RELN: variants seen among roughly 807,000 people sequenced by gnomAD.
RELN encodes reelin.
In RELN, 108 loss-of-function variants were observed where a neutral mutation model predicts 427.6. That is an observed-to-expected ratio of 0.25 (90% CI 0.22 to 0.30). The LOEUF (loss-of-function observed/expected upper bound fraction) is 0.30. Among genes scored for constraint, RELN ranks in the 10% least tolerant of loss-of-function variants. The pLI, the probability that RELN is intolerant of heterozygous loss-of-function variation, is 1.00. For missense variants in RELN, 3,715 were observed against 4,302.8 expected, an observed-to-expected ratio of 0.86 and a Z score of 3.82; for synonymous variants, 1,524 against 1,513.4, an observed-to-expected ratio of 1.01 and a Z score of -0.16.
chr7:103,500,859 G>A lies in RELN; in HGVS notation c.8553C>T (p.Tyr2851=). ...SDMQWAIDNF[Y]LGPGCLDNCR... Reference sequence around the variant, plus strand: ...AGTTGTCCAAGCATCCAGGGCCCAGGTAGAAATTATCGATTGCCCACTGCA... The same window carrying A: ...AGTTGTCCAAGCATCCAGGGCCCAGATAGAAATTATCGATTGCCCACTGCA... Residue 2851 remains tyrosine (Y), a synonymous_variant, in exon 53 of 65, where the codon TAC becomes TAT. Coordinates refer to ENST00000428762, the MANE Select transcript of RELN (RefSeq NM_005045.4). The A allele has an allele frequency of 6.2e-7, 1 of 1,614,084 alleles. No individual in the cohort carries two copies. The highest frequency in any genetic ancestry group is 1.1e-5 in the South Asian group (1 of 91,082).
intron 34 of RELN, 119 bp from the exon 35 acceptor site, chr7:103,562,072 C>T (rs1319591925): frequency 1.6e-6 from 2 of 1,216,362 alleles, no homozygotes; most frequent in Admixed American, 4.3e-5. Context: ...GGGTCCAGTT[C>T]TCTCTTTCTT....
intron 19 of RELN, among the ~76,000 whole-genome samples, chr7:103,634,318 C>T (rs1832532418): frequency 6.6e-6 from 1 of 152,144 alleles, no homozygotes; most frequent in Non-Finnish European, 1.5e-5. Flanking sequence ...ATGTAAGCCA[C>T]AGTATCAACT....
At chr7:103,787,907 C>G (rs1378557218) in intron 3 of RELN, among the ~76,000 whole-genome samples, 4 of 152,094 alleles carry the variant, frequency 2.6e-5, no homozygotes, top group Non-Finnish European at 5.9e-5. Flanking sequence ...GCCAATATCC[C>G]TGATGAACAT....
chr7:103,567,710 A>G (rs1037496764), intron 31 of RELN, among the ~76,000 whole-genome samples: 1 of 151,840 alleles, frequency 6.6e-6, no homozygotes, highest in Non-Finnish European at 1.5e-5. Flanking sequence ...AATTACGACT[A>G]GGGATACTGA....
chr7:103,496,417 G>T (rs752699746), intron 56 of RELN, 109 bp downstream of exon 56: 1 of 1,424,930 alleles, frequency 7.0e-7, no homozygotes, highest in Non-Finnish European at 9.9e-7. Flanking sequence ...TTGAGCAGGA[G>T]TATGGGCTAG....
At position 103,968,512 on chromosome 7, in the gene RELN, G is replaced by A. The variant is rs937027194; in HGVS notation, c.226+20619C>T. On this transcript the variant is annotated intron_variant, in intron 1 of 64. Coordinates refer to ENST00000428762, the MANE Select transcript of RELN (RefSeq NM_005045.4). The surrounding 1 kb of genome is among the most constrained non-coding windows in gnomAD (Gnocchi z 4.3). ...CAGAAAAAAAAATAAAAGTATGAAA[G>A]AAATTGTAAAAGGTAAGCAAATGTA... Among the ~76,000 whole-genome samples the A allele has an allele frequency of 3.9e-5, 6 of 152,054 alleles. No homozygotes were observed. Among genetic ancestry groups the A allele is most frequent in the African/African-American group, 1.4e-4 (6 of 41,418 alleles).
chr7:103,838,735 G>A (rs942936714), intron 2 of RELN, among the ~76,000 whole-genome samples: 33 of 152,160 alleles, frequency 2.2e-4, no homozygotes, highest in African/African-American at 7.0e-4. Context: ...AGGTTTCAGC[G>A]TTATAGAGCC....
intron 51 of RELN, among the ~76,000 whole-genome samples, chr7:103,505,553 C>A (rs1310534335): frequency 1.3e-5 from 2 of 152,122 alleles, no homozygotes; most frequent in African/African-American, 4.8e-5. Flanking sequence ...CACTCATAGA[C>A]CCCATCCTAA....
intron 1 of RELN, among the ~76,000 whole-genome samples, chr7:103,921,043 ATGAT>A (rs917792936): frequency 5.9e-5 from 9 of 152,232 alleles, no homozygotes; most frequent in East Asian, 1.9e-4. Flanking sequence ...AGCAAGGTGT[ATGAT>A]TGATTGAGAC....
In RELN at chr7:103,640,458, A is replaced by G; in HGVS notation, c.2069+85T>C. 7.3e-7 allele frequency: 1 copy of G among 1,364,902 alleles called. No homozygotes were observed. 84.5% of individuals were successfully genotyped at this position (1,364,902 alleles called of 1,614,324 possible). ...GTCTTAAAAAGATCCCCGATCCTAA[A>G]AAAGGTTATTAAATGACTTGCGACT... is the stretch of plus-strand genomic sequence containing the variant. On this transcript the variant is annotated intron_variant, in intron 17 of 64. Coordinates refer to ENST00000428762, the MANE Select transcript of RELN (RefSeq NM_005045.4). This position sits in a 1 kb window ranked among gnomAD's most constrained non-coding sequence, Gnocchi z 4.1.
intron 6 of RELN, among the ~76,000 whole-genome samples, chr7:103,738,798 T>C (rs1790562617): frequency 6.9e-6 from 1 of 145,252 alleles, no homozygotes; most frequent in African/African-American, 2.5e-5. Flanking sequence ...TTCTCCTCCC[T>C]CAGCCTCCCG....
intron 47 of RELN, among the ~76,000 whole-genome samples, chr7:103,522,431 G>A (rs1477952537): frequency 6.6e-6 from 1 of 152,166 alleles, no homozygotes; most frequent in African/African-American, 2.4e-5. Flanking sequence ...GGTTATAGGT[G>A]GAGAGAAAGA....
intron 6 of RELN, among the ~76,000 whole-genome samples, chr7:103,747,027 A>G (rs1790855154): frequency 6.6e-6 from 1 of 152,220 alleles, no homozygotes; most frequent in African/African-American, 2.4e-5. Flanking sequence ...ATGTCCAACA[A>G]TGATAGATGG....
chr7:103,593,953 TCATGACATGCTGGGC>T, intron 26 of RELN, 71 bp from the exon 27 acceptor site: 1 of 1,185,524 alleles, frequency 8.4e-7, no homozygotes, highest in Non-Finnish European at 1.2e-6. Context: ...AATTTTCATT[TCATGACATGCTGGGC>T]CATGTACCAT....
At chr7:103,761,436 T>C (rs1791295715) in intron 4 of RELN, among the ~76,000 whole-genome samples, 1 of 152,146 alleles carries the variant, frequency 6.6e-6, no homozygotes, top group African/African-American at 2.4e-5. Context: ...ATTTGAATTG[T>C]TGGTACATTT....
intron 1 of RELN, among the ~76,000 whole-genome samples, chr7:103,969,952 TCA>T (rs1796729380): frequency 6.6e-6 from 1 of 152,148 alleles, no homozygotes; most frequent in African/African-American, 2.4e-5. Context: ...TCCTCATTAT[TCA>T]CAGATTCCTT....
chr7:103,491,846 TCTCTCTCTCTCACACACACACACACA>T (rs1468752658), intron 58 of RELN, 81 bp downstream of exon 58: 12 of 609,884 alleles, frequency 2.0e-5, no homozygotes, highest in African/African-American at 1.3e-4. Context: ...TCTCTCTCTC[TCTCTCTCTCTCACACACACACACACA>T]CACACACACA....
At chr7:103,944,626 G>A (rs1796182743) in intron 1 of RELN, among the ~76,000 whole-genome samples, 1 of 152,196 alleles carries the variant, frequency 6.6e-6, no homozygotes, top group African/African-American at 2.4e-5. Flanking sequence ...CTACAGTTAT[G>A]CCTCTTGTCT....
At chr7:103,815,426 G>A (rs571274315) in intron 3 of RELN, among the ~76,000 whole-genome samples, 1 of 152,280 alleles carries the variant, frequency 6.6e-6, no homozygotes, top group Non-Finnish European at 1.5e-5. Flanking sequence ...AAAATCATAA[G>A]TGTGACTTGA....
Sources: gnomAD v4.1 joint callset for allele counts (sites outside exome capture counted in the v4.1 genomes callset) on GRCh38, gnomAD v4.1.1 for gene constraint, Gnocchi (gnomAD v3.1) non-coding constraint, MANE v1.5 for transcripts, NCBI Gene and HGNC (gene_info 2026-07-23, HGNC 2026-07-21) for gene names.